Variants in TUBGCP4 observed in about 807,000 individuals in gnomAD.
TUBGCP4 encodes the protein tubulin gamma complex component 4.
A neutral mutation model predicts 91.6 loss-of-function variants in TUBGCP4; 54 were observed. That is an observed-to-expected ratio of 0.59 (90% CI 0.47 to 0.74). The LOEUF (loss-of-function observed/expected upper bound fraction) is 0.74, where lower values mean the gene tolerates loss of function less well. TUBGCP4 is among the 30% of genes least tolerant of loss of function. TUBGCP4 has a pLI of 0.00. For synonymous variants in TUBGCP4, 297 were observed against 302.8 expected, an observed-to-expected ratio of 0.98 and a Z score of 0.20; for missense variants, 593 against 800.9, an observed-to-expected ratio of 0.74 and a Z score of 3.13.
chr15:43,375,463 C>T (rs1437204905), intron 1 of TUBGCP4, among the ~76,000 whole-genome samples: 1 of 152,142 alleles, frequency 6.6e-6, no homozygotes, highest in African/African-American at 2.4e-5. Context: ...TATATTTTCC[C>T]ACTACTTTTT....
chr15:43,404,677 T>C (rs2044798455), intron 17 of TUBGCP4, 125 bp downstream of exon 17: 6 of 1,011,566 alleles, frequency 5.9e-6, no homozygotes, highest in Middle Eastern at 2.9e-4. Context: ...GGCTTAGAGA[T>C]AGAGGTGTGA....
At chr15:43,389,254 A>C (rs750224477) in intron 9 of TUBGCP4, among the ~76,000 whole-genome samples, 39 of 152,198 alleles carry the variant, frequency 2.6e-4, no homozygotes, top group African/African-American at 9.4e-4. Flanking sequence ...TTACATAGAG[A>C]AATGGTGGTA....
Position 43,408,156 on chromosome 15 carries a change from G to A in TUBGCP4, c.*2942G>A. On this transcript the variant is annotated 3_prime_UTR_variant, in exon 18 of 18. Coordinates refer to ENST00000564079, the MANE Select transcript of TUBGCP4 (RefSeq NM_014444.5). ...TCCAACAAACTGCCTTTCTGCAAAG[G>A]GACTCATGTACATCTGAATGCTTTC... 2 of 1,496,864 alleles carry A rather than the reference G, an allele frequency of 1.3e-6. No homozygotes were observed. Among genetic ancestry groups the A allele is most frequent in the Non-Finnish European group, 1.8e-6 (2 of 1,092,204 alleles). The allele number at this position is 1,496,864 out of a possible 1,614,324, so 92.7% of individuals were successfully genotyped here. A position where few individuals can be genotyped will look rare whatever the true frequency, so the allele number is the denominator to read the frequency against.
At chr15:43,395,839 A>G (rs2044571752) in intron 11 of TUBGCP4, 151 bp downstream of exon 11, 2 of 664,310 alleles carry the variant, frequency 3.0e-6, no homozygotes, top group South Asian at 1.7e-5. Flanking sequence ...TCTTGCAGGT[A>G]GGCTTCATGC....
Position 43,404,402 on chromosome 15 carries a change from T to C in TUBGCP4, c.1849-11T>C, listed in dbSNP as rs1292929142. ...TGAAGTGGAATGACAGCTGAGTCCT[T>C]CTCTCTGCAGGGCTTTAGCCGCCAG... On this transcript the variant is annotated splice_polypyrimidine_tract_variant and intron_variant, in intron 16 of 17. Coordinates refer to ENST00000564079, the MANE Select transcript of TUBGCP4 (RefSeq NM_014444.5). The C allele has an allele frequency of 1.9e-6, 3 of 1,613,894 alleles. No homozygotes were observed. The highest frequency in any genetic ancestry group is 1.7e-6 in the Non-Finnish European group (2 of 1,179,968).
At chr15:43,399,845 T>C (rs184096310) in intron 13 of TUBGCP4, among the ~76,000 whole-genome samples, 199 bp from the exon 14 acceptor site, 64 of 152,342 alleles carry the variant, frequency 4.2e-4, no homozygotes, top group African/African-American at 1.3e-3. Flanking sequence ...TCTTGTTGTA[T>C]AGCTGGAGTT....
rs1338231070 is a variant in TUBGCP4, at chr15:43,406,714, A to G, written c.*1500A>G. On this transcript the variant is annotated 3_prime_UTR_variant, in exon 18 of 18. Transcript: ENST00000564079. ...TATTGTGACAATAATAATAATAATA[A>G]TATTGGGTCTTTGACTAGAACGTGT... 2.4e-6 allele frequency: 1 copy of G among 422,658 alleles called. No homozygotes were observed. Among genetic ancestry groups the G allele is most frequent in the Admixed American group, 2.8e-5 (1 of 35,330 alleles). The allele number at this position is 422,658 out of a possible 1,614,324, so 26.2% of individuals were successfully genotyped here.
chr15:43,403,657 T>C, intron 15 of TUBGCP4, 26 bp from the exon 16 acceptor site: 2 of 1,541,706 alleles, frequency 1.3e-6, no homozygotes, highest in Non-Finnish European at 1.8e-6. Flanking sequence ...CTTCCTTTCC[T>C]AATGCCAACT....
intron 11 of TUBGCP4, among the ~76,000 whole-genome samples, 185 bp downstream of exon 11, chr15:43,395,873 TG>T (rs1202849534): frequency 6.6e-6 from 1 of 152,186 alleles, no homozygotes; most frequent in African/African-American, 2.4e-5. Context: ...AACAGTGTCT[TG>T]GCCTGTGACC....
At chr15:43,403,967 G>A (rs2044768613) in intron 16 of TUBGCP4, 168 bp downstream of exon 16, 4 of 591,818 alleles carry the variant, frequency 6.8e-6, no homozygotes, top group Admixed American at 2.8e-5. Flanking sequence ...TTTGAAGCAG[G>A]TAATACTGTG....
intron 4 of TUBGCP4, chr15:43,377,616 A>AAC: frequency 4.9e-6 from 2 of 410,908 alleles, no homozygotes; most frequent in Non-Finnish European, 8.5e-6. Flanking sequence ...TGTCTCAAAA[A>AAC]AAAAAAAAAA....
chr15:43,373,239 T>C (rs1174146452), intron 1 of TUBGCP4, among the ~76,000 whole-genome samples: 1 of 152,244 alleles, frequency 6.6e-6, no homozygotes, highest in Non-Finnish European at 1.5e-5. Context: ...TGACCATTAT[T>C]CTAATGCAGG....
chr15:43,398,211 A>G (rs902625060), intron 13 of TUBGCP4, 32 bp downstream of exon 13: 10 of 1,595,910 alleles, frequency 6.3e-6, no homozygotes, highest in South Asian at 2.2e-5. Context: ...ACAGGTAAAT[A>G]TGACCCACCT....
intron 11 of TUBGCP4, among the ~76,000 whole-genome samples, chr15:43,396,896 T>C (rs1214059832): frequency 6.6e-6 from 1 of 152,130 alleles, no homozygotes; most frequent in African/African-American, 2.4e-5. Context: ...CTAAACAATA[T>C]AGCATAACAA....
intron 9 of TUBGCP4, among the ~76,000 whole-genome samples, chr15:43,388,184 C>G (rs1392744606): frequency 2.6e-5 from 4 of 152,184 alleles, no homozygotes; most frequent in African/African-American, 9.7e-5. Context: ...GTCCACCCAC[C>G]AAAGACAAAC....
At chr15:43,388,790 C>A (rs116184317) in intron 9 of TUBGCP4, among the ~76,000 whole-genome samples, 1,539 of 152,256 alleles carry the variant, frequency 0.01, 27 homozygotes, top group African/African-American at 0.035. Context: ...ACTTTGGAAG[C>A]ATTATTGCAA....
intron 1 of TUBGCP4, among the ~76,000 whole-genome samples, chr15:43,375,062 C>T (rs1166158881): frequency 1.3e-5 from 2 of 152,250 alleles, no homozygotes; most frequent in East Asian, 3.8e-4. Flanking sequence ...ACCACCACGC[C>T]TGGCTAATTT....
Position 43,407,577 on chromosome 15 carries a change from G to A in TUBGCP4, c.*2363G>A, listed in dbSNP as rs765222844. ...AATACCCCTAAAGCAATATCTGCAAGGAGCAAGGGAAAGTGAAGAAGGAAA... is the reference window on the plus strand; with the variant it reads ...AATACCCCTAAAGCAATATCTGCAAAGAGCAAGGGAAAGTGAAGAAGGAAA... On this transcript the variant is annotated 3_prime_UTR_variant, in exon 18 of 18. Coordinates refer to ENST00000564079, the MANE Select transcript of TUBGCP4 (RefSeq NM_014444.5). 25 of 1,602,128 alleles carry A rather than the reference G, an allele frequency of 1.6e-5. No homozygotes were observed. Among genetic ancestry groups the A allele is most frequent in the Non-Finnish European group, 2.0e-5 (24 of 1,172,620 alleles).
chr15:43,371,158 C>T lies in TUBGCP4; in HGVS notation c.-197C>T, dbSNP rs1251967338. On this transcript the variant is annotated 5_prime_UTR_variant, in exon 1 of 18. Transcript: ENST00000564079. ...TGGACCCCGTTGAGCTGCCGAACTT[C>T]CGGGACTCCCCCGCGACCCCTTCCC... 1 of 622,140 alleles carries T rather than the reference C, an allele frequency of 1.6e-6. No homozygotes were observed. Among genetic ancestry groups the T allele is most frequent in the Non-Finnish European group, 2.9e-6 (1 of 348,924 alleles). 38.5% of individuals were successfully genotyped at this position (622,140 alleles called of 1,614,324 possible).
Sources: allele counts gnomAD v4.1 joint callset (sites outside exome capture counted in the v4.1 genomes callset), GRCh38; gene constraint gnomAD v4.1.1; transcripts MANE v1.5; gene names NCBI Gene and HGNC (gene_info 2026-07-23, HGNC 2026-07-21).